Variants in ZDHHC8 observed in about 807,000 individuals in gnomAD.
ZDHHC8 encodes zDHHC palmitoyltransferase 8, also known as palmitoyltransferase ZDHHC8.
In ZDHHC8, 24 loss-of-function variants were observed where a neutral mutation model predicts 61.2. The observed-to-expected ratio is 0.39, with a 90% CI of 0.28 to 0.55. The LOEUF is 0.55. Among genes scored for constraint, ZDHHC8 ranks in the 20% least tolerant of loss-of-function variants. ZDHHC8 has a pLI of 0.60. For missense variants in ZDHHC8, 935 were observed against 1,102.1 expected, an observed-to-expected ratio of 0.85 and a Z score of 2.15; for synonymous variants, 523 against 492.5, an observed-to-expected ratio of 1.06 and a Z score of -0.82.
intron 1 of ZDHHC8, among the ~76,000 whole-genome samples, chr22:20,136,823 T>TTG (rs2050425226): frequency 6.6e-6 from 1 of 152,200 alleles, no homozygotes; most frequent in South Asian, 2.1e-4. Context: ...GCCTGTATAT[T>TTG]TGTGTGTGTG....
At position 20,145,892 on chromosome 22, in the gene ZDHHC8, G is replaced by A; in HGVS notation, c.*492G>A. 8 of 985,866 alleles carry A rather than the reference G, an allele frequency of 8.1e-6. No individual in the cohort carries two copies. The highest frequency in any genetic ancestry group is 8.4e-6 in the Non-Finnish European group (7 of 830,108). 61.1% of individuals were successfully genotyped at this position (985,866 alleles called of 1,614,324 possible). A position where few individuals can be genotyped will look rare whatever the true frequency, so the allele number is the denominator to read the frequency against. On this transcript the variant is annotated 3_prime_UTR_variant, in exon 11 of 11. Coordinates refer to ENST00000334554, the MANE Select transcript of ZDHHC8 (RefSeq NM_013373.4). Reference sequence around the variant, plus strand: ...CCAGGCTACTCCTAACTAACGCGTTGCCTTTCACGGACCCCGCTGGAAGCT... The same window carrying A: ...CCAGGCTACTCCTAACTAACGCGTTACCTTTCACGGACCCCGCTGGAAGCT...
At position 20,143,754 on chromosome 22, in the gene ZDHHC8, G is replaced by A. The variant is rs701452; in HGVS notation, c.2124G>A (p.Gln708=). ...AGCCACCGCCCTCGCTGACCGTGCA[G>A]AGGTGGGTGCCGGGAGGTGCGGGTG... ...LPEPPPSLTV[Q]RDHPQLKTPP... is the part of the protein sequence containing the mutation. Residue 708 remains glutamine (Q), a splice_region_variant and synonymous_variant, in exon 10 of 11, where the codon CAG becomes CAA. Transcript: ENST00000334554. 6.2e-7 allele frequency: 1 copy of A among 1,606,094 alleles called. No homozygotes were observed. Among genetic ancestry groups the A allele is most frequent in the Non-Finnish European group, 8.5e-7 (1 of 1,179,062 alleles).
intron 1 of ZDHHC8, among the ~76,000 whole-genome samples, chr22:20,136,224 T>TA (rs1276809361): frequency 6.6e-6 from 1 of 152,092 alleles, no homozygotes; most frequent in African/African-American, 2.4e-5. Flanking sequence ...TGTCTTTGCC[T>TA]GGCCCTCCGG....
At position 20,145,716 on chromosome 22, in the gene ZDHHC8, G is replaced by A; in HGVS notation, c.*316G>A. ...GGGGCACCCTCTCTCAGCCAGGCTT[G>A]GCCCACTGCCATCACCCAGCACCCC... On this transcript the variant is annotated 3_prime_UTR_variant, in exon 11 of 11. Coordinates refer to ENST00000334554, the MANE Select transcript of ZDHHC8 (RefSeq NM_013373.4). 3 of 1,028,870 alleles carry A rather than the reference G, an allele frequency of 2.9e-6. No homozygotes were observed. The South Asian group carries it at 1.3e-4, about 46-fold the overall frequency. 63.7% of individuals were successfully genotyped at this position (1,028,870 alleles called of 1,614,324 possible).
At chr22:20,135,056 T>G (rs774462667) in intron 1 of ZDHHC8, among the ~76,000 whole-genome samples, 19 of 152,128 alleles carry the variant, frequency 1.2e-4, no homozygotes, top group Non-Finnish European at 2.5e-4. Flanking sequence ...CTCAGCCTCC[T>G]GAGTACCTGG....
At chr22:20,144,651 G>A (rs1030697462) in intron 10 of ZDHHC8, among the ~76,000 whole-genome samples, 22 of 152,230 alleles carry the variant, frequency 1.4e-4, no homozygotes, top group African/African-American at 4.1e-4. Flanking sequence ...CTTTTGTGGA[G>A]TTGGGGAGGA....
In ZDHHC8 at chr22:20,132,034, C is replaced by A; in HGVS notation, c.87C>A (p.Thr29=). Residue 29 remains threonine (T), a synonymous_variant, in exon 1 of 11, where the codon ACC becomes ACA. Coordinates refer to ENST00000334554, the MANE Select transcript of ZDHHC8 (RefSeq NM_013373.4). The stretch of plus-strand genomic sequence containing the variant: ...CCGCGCTGCTGGTCGGCTCCAGCAC[C>A]CTCTTCTTCGTGTTCACGTGAGTCG... ...TAAALLVGSS[T]LFFVFTCPWL... is the part of the protein sequence containing the mutation. 1 of 1,365,824 alleles carries A rather than the reference C, an allele frequency of 7.3e-7. No homozygotes were observed. The highest frequency in any genetic ancestry group is 9.6e-7 in the Non-Finnish European group (1 of 1,042,344). 84.6% of individuals were successfully genotyped at this position (1,365,824 alleles called of 1,614,324 possible).
In ZDHHC8 at chr22:20,141,330, C is replaced by A; in HGVS notation, c.1008C>A (p.Gly336=). The part of the protein sequence containing the change: ...FSSDLQTPRP[G]SAESALSVQR... ...GTGACCTGCAGACCCCGCGCCCAGG[C>A]AGTGCTGGTGAGGTTGGGGCAGCCA... Residue 336 remains glycine (G), a synonymous_variant, in exon 8 of 11, where the codon GGC becomes GGA. Coordinates refer to ENST00000334554, the MANE Select transcript of ZDHHC8 (RefSeq NM_013373.4). 6.2e-7 allele frequency: 1 copy of A among 1,612,198 alleles called. No individual in the cohort carries two copies. Among genetic ancestry groups the A allele is most frequent in the Admixed American group, 1.7e-5 (1 of 59,954 alleles).
Position 20,139,233 on chromosome 22 carries a change from C to T in ZDHHC8, c.144C>T (p.Pro48=), listed in dbSNP as rs370643674. ...CACGAGCTGTGTCCCCAGCTGTTCC[C>T]GTCTACAATGGCATCATCTTCCTCT... is the stretch of plus-strand genomic sequence containing the variant. ...WLTRAVSPAV[P]VYNGIIFLFV... is the part of the protein sequence containing the mutation. Residue 48 remains proline (P), a synonymous_variant, in exon 2 of 11, where the codon CCC becomes CCT. Coordinates refer to ENST00000334554, the MANE Select transcript of ZDHHC8 (RefSeq NM_013373.4). 12 of 1,613,850 alleles carry T rather than the reference C, an allele frequency of 7.4e-6. No individual in the cohort carries two copies. The highest frequency in any genetic ancestry group is 1.6e-4 in the Middle Eastern group (1 of 6,084).
At position 20,145,415 on chromosome 22, in the gene ZDHHC8, A is replaced by C. The variant is rs2148010742; in HGVS notation, c.*15A>C. ...TCTCGGTGTGAGGACTGACTGCCACACATCCGCCATGGTGCCACGGGGACC... is the reference window on the plus strand; with the variant it reads ...TCTCGGTGTGAGGACTGACTGCCACCCATCCGCCATGGTGCCACGGGGACC... On this transcript the variant is annotated 3_prime_UTR_variant, in exon 11 of 11. Coordinates refer to ENST00000334554, the MANE Select transcript of ZDHHC8 (RefSeq NM_013373.4). 6.7e-7 allele frequency: 1 copy of C among 1,489,848 alleles called. No homozygotes were observed. The highest frequency in any genetic ancestry group is 9.0e-7 in the Non-Finnish European group (1 of 1,115,774). The allele number at this position is 1,489,848 out of a possible 1,614,324, so 92.3% of individuals were successfully genotyped here.
Position 20,143,212 on chromosome 22 carries a change from G to T in ZDHHC8, c.1582G>T (p.Val528Leu), listed in dbSNP as rs758962247. Reference protein sequence around the residue: ...PRPLPRSFSPVLGPRPREPSP... With the variant: ...PRPLPRSFSPLLGPRPREPSP... ...GCCCCTACCCCGCAGCTTCAGCCCC[G>T]TGCTGGGCCCCCGCCCCCGGGAGCC... Residue 528 changes from valine to leucine, a missense_variant, in exon 10 of 11, where the codon GTG (valine) becomes TTG (leucine). Physicochemically the swap from Val to Leu is conservative, Grantham distance 32. This residue lies in a region of ZDHHC8 where 692 missense variants were observed against 731.4 expected (regional missense o/e 0.95). Coordinates refer to ENST00000334554, the MANE Select transcript of ZDHHC8 (RefSeq NM_013373.4). 15 of 1,608,346 alleles carry T rather than the reference G, an allele frequency of 9.3e-6. No individual in the cohort carries two copies. Among genetic ancestry groups the T allele is most frequent in the Non-Finnish European group, 1.3e-5 (15 of 1,179,482 alleles).
intron 9 of ZDHHC8, 94 bp downstream of exon 9, chr22:20,141,624 C>A: frequency 1.9e-6 from 2 of 1,029,836 alleles, no homozygotes; most frequent in Non-Finnish European, 2.8e-6. Flanking sequence ...AAGGCCCCAC[C>A]TCCAGAGCCC....
chr22:20,138,455 G>A (rs1336372970), intron 1 of ZDHHC8, among the ~76,000 whole-genome samples: 1 of 152,220 alleles, frequency 6.6e-6, no homozygotes, highest in Admixed American at 6.5e-5. Context: ...GGCTGAGGAA[G>A]GCGCCTTTCA....
At position 20,143,302 on chromosome 22, in the gene ZDHHC8, A is replaced by C. The variant is rs1166648844; in HGVS notation, c.1672A>C (p.Arg558=). The C allele has an allele frequency of 2.5e-6, 4 of 1,603,108 alleles. No homozygotes were observed. The highest frequency in any genetic ancestry group is 1.7e-5 in the Admixed American group (1 of 59,274). ...IMASIQERKD[R]EERERLLRSQ... is the part of the protein sequence containing the mutation. ...GGCATCCATCCAGGAGCGCAAGGAC[A>C]GGGAGGAGCGTGAGCGCCTGCTGCG... Residue 558 remains arginine (R), a synonymous_variant, in exon 10 of 11, where the codon AGG becomes CGG. Coordinates refer to ENST00000334554, the MANE Select transcript of ZDHHC8 (RefSeq NM_013373.4).
rs2050538256 is a variant in ZDHHC8, at chr22:20,147,403, G to A, written c.*2003G>A. Reference sequence around the variant, plus strand: ...AGGGCCTGAGACCCTGTGTCCACATGACCTCAGGGAGTCCCCCACCTGCTG... The same window carrying A: ...AGGGCCTGAGACCCTGTGTCCACATAACCTCAGGGAGTCCCCCACCTGCTG... On this transcript the variant is annotated 3_prime_UTR_variant, in exon 11 of 11. Coordinates refer to ENST00000334554, the MANE Select transcript of ZDHHC8 (RefSeq NM_013373.4). 1 of 636,678 alleles carries A rather than the reference G, an allele frequency of 1.6e-6. No homozygotes were observed. Among genetic ancestry groups the A allele is most frequent in the South Asian group, 2.8e-5 (1 of 35,766 alleles). The allele number at this position is 636,678 out of a possible 1,614,324, so 39.4% of individuals were successfully genotyped here.
At chr22:20,132,200 A>G (rs2050381617) in intron 1 of ZDHHC8, 149 bp downstream of exon 1, 1 of 346,592 alleles carries the variant, frequency 2.9e-6, no homozygotes, top group South Asian at 1.2e-4. Context: ...GTCCCTCTCC[A>G]CCCGCTGGGG....
intron 1 of ZDHHC8, among the ~76,000 whole-genome samples, chr22:20,133,453 G>A (rs900785946): frequency 1.3e-5 from 2 of 152,170 alleles, no homozygotes; most frequent in Non-Finnish European, 2.9e-5. Flanking sequence ...TGTGGGCCGG[G>A]CGCGGTGGCT....
Position 20,143,567 on chromosome 22 carries a change from T to C in ZDHHC8, c.1937T>C (p.Leu646Pro), listed in dbSNP as rs1183130639. The change falls in exon 10 of 11, where the codon CTG becomes CCG. Residue 646 changes from leucine (L) to proline (P), a missense_variant. By Grantham distance (98) the Leu-to-Pro change is moderately conservative. This residue lies in a region of ZDHHC8 where 692 missense variants were observed against 731.4 expected (regional missense o/e 0.95). Transcript: ENST00000334554. ...GCACCGCGGACGTCGTCCTCCTCCC[T>C]GCAGGCTGATCAGGCCAGCAGCAAC... Reference protein sequence around the residue: ...SRAPRTSSSSLQADQASSNAP... With the variant: ...SRAPRTSSSSPQADQASSNAP... The C allele has an allele frequency of 1.3e-6, 2 of 1,598,192 alleles. No homozygotes were observed. The highest frequency in any genetic ancestry group is 2.2e-5 in the East Asian group (1 of 44,690).
In ZDHHC8 at chr22:20,131,966, A is replaced by ACG; in HGVS notation, c.23_24dup (p.Leu9AlafsTer32). ...GCCCAGGATGCCCCGCAGCCCCGGG[A>ACG]CGCGCCTCAAACCCGCCAAGTACAT... is the stretch of plus-strand genomic sequence containing the variant. On this transcript the variant is annotated frameshift_variant, in exon 1 of 11. Transcript: ENST00000334554. LOFTEE classifies it high-confidence loss of function. The ACG allele has an allele frequency of 1.5e-6, 2 of 1,298,092 alleles. No individual in the cohort carries two copies. The highest frequency in any genetic ancestry group is 2.0e-6 in the Non-Finnish European group (2 of 1,004,686). The allele number at this position is 1,298,092 out of a possible 1,614,324, so 80.4% of individuals were successfully genotyped here. A position where few individuals can be genotyped will look rare whatever the true frequency, so the allele number is the denominator to read the frequency against.
Sources: allele counts gnomAD v4.1 joint callset (sites outside exome capture counted in the v4.1 genomes callset), GRCh38; gene constraint gnomAD v4.1.1; regional missense constraint gnomAD v4.1.1; transcripts MANE v1.5; gene names NCBI Gene and HGNC (gene_info 2026-07-23, HGNC 2026-07-21).